The following IP6K3 variants were observed in gnomAD, a reference collection of about 807,000 sequenced individuals.
IP6K3 encodes the protein ATP:1D-myo-inositol-hexakisphosphate phosphotransferase.
Under a neutral mutation model 28.8 loss-of-function variants are expected in IP6K3, and 20 were observed. The ratio of observed to expected loss-of-function variants is 0.70; its 90% CI spans 0.49 to 1.01. The LOEUF is 1.01. Ranked by LOEUF, IP6K3 falls within the 50% of genes least tolerant of loss-of-function variation. The probability of loss-of-function intolerance (pLI) is 0.00; values close to 1 mark genes in which losing one functional copy is unlikely to be tolerated. For missense variants in IP6K3, 480 were observed against 537.1 expected (o/e 0.89, Z 1.05); for synonymous variants, 213 against 221.3 (o/e 0.96, Z 0.33).
At chr6:33,758,569 A>G in the IP6K3 span, among the ~76,000 whole-genome samples, 1 of 152,120 alleles carries the variant, frequency 6.6e-6, no homozygotes, top group African/African-American at 2.4e-5. Flanking sequence ...CAGGAAAATT[A>G]AACTTTAGGA....
chr6:33,756,906 G>A, the IP6K3 span, among the ~76,000 whole-genome samples: 5 of 152,208 alleles, frequency 3.3e-5, no homozygotes, highest in Non-Finnish European at 7.3e-5. Flanking sequence ...CGCCACCTGC[G>A]GGGCACTTGT....
At chr6:33,731,406 C>T (rs1002809987) in intron 2 of IP6K3, among the ~76,000 whole-genome samples, 24 of 152,198 alleles carry the variant, frequency 1.6e-4, no homozygotes, top group Admixed American at 1.4e-3. Context: ...CTCCAGGCTC[C>T]AGTACTTGTC....
At chr6:33,727,067 C>T (rs529148370) in intron 3 of IP6K3, among the ~76,000 whole-genome samples, 161 bp from the exon 4 acceptor site, 3 of 152,166 alleles carry the variant, frequency 2.0e-5, no homozygotes, top group Non-Finnish European at 4.4e-5. Flanking sequence ...TGCCCAACTC[C>T]GGTTCTAGGG....
In IP6K3 at chr6:33,728,162, G is replaced by T. The variant is rs757709710; in HGVS notation, c.338C>A (p.Thr113Asn). Reference protein sequence around the residue: ...AVAIWQTLQQTTGSNGSDCTL... With the variant: ...AVAIWQTLQQNTGSNGSDCTL... ...GCAGTCGCTGCCATTGCTGCCGGTG[G>T]TCTGCTGGAGCGTCTGCCATATGGC... Residue 113 changes from threonine to asparagine, a missense_variant, in exon 3 of 6, where the codon ACC (threonine) becomes AAC (asparagine). Physicochemically the swap from Thr to Asn is moderately conservative, Grantham distance 65. Coordinates refer to ENST00000293756, the MANE Select transcript of IP6K3 (RefSeq NM_054111.5). 10 of 1,612,860 alleles carry T rather than the reference G, an allele frequency of 6.2e-6. No individual in the cohort carries two copies. The highest frequency in any genetic ancestry group is 6.8e-6 in the Non-Finnish European group (8 of 1,180,028).
At chr6:33,757,175 C>A in the IP6K3 span, among the ~76,000 whole-genome samples, 1 of 152,196 alleles carries the variant, frequency 6.6e-6, no homozygotes, top group African/African-American at 2.4e-5. Context: ...AGTCTGGCCC[C>A]AGTCTGAGAG....
In IP6K3 at chr6:33,722,616, G is replaced by T; in HGVS notation, c.*104C>A. ...AGAGATGGTTTTTGAAGGTAGATAG[G>T]ACTATTATGAAGACATCTAAGGGGT... On this transcript the variant is annotated 3_prime_UTR_variant, in exon 6 of 6. Coordinates refer to ENST00000293756, the MANE Select transcript of IP6K3 (RefSeq NM_054111.5). 1.4e-6 allele frequency: 1 copy of T among 734,860 alleles called. No homozygotes were observed. The highest frequency in any genetic ancestry group is 2.3e-6 in the Non-Finnish European group (1 of 426,586). 45.5% of individuals were successfully genotyped at this position (734,860 alleles called of 1,614,324 possible).
chr6:33,749,452 G>C (rs933998026), upstream of IP6K3, among the ~76,000 whole-genome samples: 2 of 151,594 alleles, frequency 1.3e-5, no homozygotes, highest in African/African-American at 4.8e-5. Context: ...CTCCATGGTC[G>C]TTTCCCCAAA....
the IP6K3 span, among the ~76,000 whole-genome samples, chr6:33,760,780 C>A: frequency 6.6e-6 from 1 of 152,164 alleles, no homozygotes; most frequent in African/African-American, 2.4e-5. Context: ...CCCACCTCGG[C>A]CTCTCAAAGT....
upstream of IP6K3, among the ~76,000 whole-genome samples, chr6:33,751,218 C>T (rs1767016658): frequency 6.6e-6 from 1 of 152,194 alleles, no homozygotes; most frequent in Admixed American, 6.5e-5. The surrounding 1 kb of genome is among the most constrained non-coding windows in gnomAD (Gnocchi z 4.3). Flanking sequence ...CCAGCCCCAC[C>T]TGGGAGCTTC....
At chr6:33,736,123 C>T (rs1488469559) in intron 1 of IP6K3, among the ~76,000 whole-genome samples, 1 of 152,220 alleles carries the variant, frequency 6.6e-6, no homozygotes, top group Non-Finnish European at 1.5e-5. Flanking sequence ...ACCTTGGCCT[C>T]CCAAGTGCTA....
upstream of IP6K3, among the ~76,000 whole-genome samples, chr6:33,749,564 G>A (rs1262364825): frequency 2.7e-5 from 4 of 149,244 alleles, no homozygotes; most frequent in East Asian, 8.1e-4. Flanking sequence ...GGGGCAGATG[G>A]CCCCACTGAC....
chr6:33,758,453 G>T, the IP6K3 span, among the ~76,000 whole-genome samples: 1 of 152,180 alleles, frequency 6.6e-6, no homozygotes, highest in African/African-American at 2.4e-5. Flanking sequence ...TTGAGCCCGG[G>T]AGGTTGAGGC....
chr6:33,749,751 C>T (rs1162415632), upstream of IP6K3, among the ~76,000 whole-genome samples: 2 of 151,718 alleles, frequency 1.3e-5, no homozygotes, highest in African/African-American at 2.4e-5. Context: ...CTGCCCTGAG[C>T]TCTTCACACA....
chr6:33,727,027 G>A, intron 3 of IP6K3, 121 bp from the exon 4 acceptor site: 1 of 1,081,692 alleles, frequency 9.2e-7, no homozygotes, highest in Non-Finnish European at 1.3e-6. Context: ...GCTCTCCAGG[G>A]CAGCCCTCAC....
intron 3 of IP6K3, 27 bp downstream of exon 3, chr6:33,728,060 T>G: frequency 6.3e-7 from 1 of 1,594,334 alleles, no homozygotes; most frequent in Non-Finnish European, 8.5e-7. Flanking sequence ...GGGACAGGGT[T>G]TCTGTCATCC....
chr6:33,724,834 A>C (rs1405931031), intron 5 of IP6K3, among the ~76,000 whole-genome samples: 1 of 152,194 alleles, frequency 6.6e-6, no homozygotes, highest in African/African-American at 2.4e-5. Context: ...GTCTGCTCAC[A>C]ACATGAGCAG....
rs758489740 is a variant in IP6K3, at chr6:33,726,636, G to A, written c.589+95C>T. 7 of 1,264,606 alleles carry A rather than the reference G, an allele frequency of 5.5e-6. No individual in the cohort carries two copies. The Admixed American group carries it at 7.0e-5, about 13-fold the overall frequency. The allele number at this position is 1,264,606 out of a possible 1,614,324, so 78.3% of individuals were successfully genotyped here. On this transcript the variant is annotated intron_variant, in intron 4 of 5. Transcript: ENST00000293756. ...CTCCCTGCTACCCTCCATTGGCCCC[G>A]TGTTTGTGTGTGTTTCCTCTACCCA...
chr6:33,727,835 A>G (rs1766172778), intron 3 of IP6K3: 3 of 985,220 alleles, frequency 3.0e-6, no homozygotes, highest in Admixed American at 6.1e-5. Flanking sequence ...CTGAATACCT[A>G]CTCAGTAGAC....
intron 2 of IP6K3, among the ~76,000 whole-genome samples, chr6:33,732,307 C>T (rs1766350155): frequency 6.6e-6 from 1 of 152,270 alleles, no homozygotes; most frequent in African/African-American, 2.4e-5. Context: ...CGCAGGGTGG[C>T]GAGAAGGGAG....
Sources: allele counts gnomAD v4.1 joint callset (sites outside exome capture counted in the v4.1 genomes callset), GRCh38; gene constraint gnomAD v4.1.1; non-coding constraint Gnocchi (gnomAD v3.1); transcripts MANE v1.5; gene names NCBI Gene and HGNC (gene_info 2026-07-23, HGNC 2026-07-21).